Variants in PALM2AKAP2 observed in about 807,000 individuals in gnomAD.
PALM2AKAP2 encodes PALM2-AKAP2 fusion protein.
PALM2AKAP2 carries 37 observed loss-of-function variants against 71.5 expected under a neutral mutation model. The observed-to-expected ratio is 0.52, with a 90% CI of 0.40 to 0.68. PALM2AKAP2 has a LOEUF of 0.68. Among genes scored for constraint, PALM2AKAP2 ranks in the 30% least tolerant of loss-of-function variants. The pLI is 0.00. For missense variants in PALM2AKAP2, 1,224 were observed against 1,191.8 expected (o/e 1.03, Z -0.40); for synonymous variants, 468 against 478.8 (o/e 0.98, Z 0.29).
intron 1 of PALM2AKAP2, among the ~76,000 whole-genome samples, chr9:110,129,385 G>T (rs920992924): frequency 3.9e-5 from 6 of 152,144 alleles, no homozygotes; most frequent in Non-Finnish European, 8.8e-5. Flanking sequence ...CATTTTAAAA[G>T]CCTCCTAATA....
At chr9:110,095,999 C>G (rs1693422569) in intron 1 of PALM2AKAP2, among the ~76,000 whole-genome samples, 1 of 152,230 alleles carries the variant, frequency 6.6e-6, no homozygotes, top group Non-Finnish European at 1.5e-5. Flanking sequence ...GTGATATCTA[C>G]AAGCGCATGC....
At chr9:109,739,977 G>C (rs1828694652) in intron 1 of PALM2AKAP2, among the ~76,000 whole-genome samples, 1 of 152,194 alleles carries the variant, frequency 6.6e-6, no homozygotes, top group African/African-American at 2.4e-5. Flanking sequence ...ATATCATAGA[G>C]TTCTTTGAAG....
intron 3 of PALM2AKAP2, among the ~76,000 whole-genome samples, chr9:109,901,255 T>C (rs1830324986): frequency 6.6e-6 from 1 of 152,234 alleles, no homozygotes; most frequent in African/African-American, 2.4e-5. Context: ...TTGTTACAGA[T>C]ACTCTATGCA....
chr9:109,708,409 C>G (rs990775047), intron 1 of PALM2AKAP2, among the ~76,000 whole-genome samples: 58 of 152,132 alleles, frequency 3.8e-4, no homozygotes, highest in Admixed American at 3.9e-4. Context: ...ATCATAAACC[C>G]CAAATTCTAT....
intron 1 of PALM2AKAP2, among the ~76,000 whole-genome samples, chr9:110,057,034 C>T (rs978266147): frequency 6.6e-6 from 1 of 152,066 alleles, no homozygotes; most frequent in Admixed American, 6.6e-5. Context: ...CCTGTAATTC[C>T]CAGGGACGCC....
intron 1 of PALM2AKAP2, among the ~76,000 whole-genome samples, chr9:109,682,319 A>G (rs1299757907): frequency 6.6e-6 from 1 of 152,234 alleles, no homozygotes. Context: ...TTTCTGGATC[A>G]CTTTGCTTCA....
intron 1 of PALM2AKAP2, among the ~76,000 whole-genome samples, chr9:109,721,629 T>C (rs1828406066): frequency 6.6e-6 from 1 of 152,240 alleles, no homozygotes; most frequent in Non-Finnish European, 1.5e-5. Flanking sequence ...TCTGTTTCTA[T>C]CAATATCTAT....
At chr9:109,979,740 TGTG>T (rs984940799) in intron 6 of PALM2AKAP2, among the ~76,000 whole-genome samples, 4 of 152,184 alleles carry the variant, frequency 2.6e-5, no homozygotes, top group African/African-American at 9.7e-5. Context: ...GGGACAATAT[TGTG>T]GGGGCTTCTG....
chr9:109,809,336 C>A (rs1190011830), intron 1 of PALM2AKAP2, among the ~76,000 whole-genome samples: 4 of 152,198 alleles, frequency 2.6e-5, no homozygotes, highest in Non-Finnish European at 5.9e-5. Flanking sequence ...CCACCTCTTG[C>A]ATCAGCGTGA....
At chr9:109,652,529 A>G (rs954373816) in intron 1 of PALM2AKAP2, among the ~76,000 whole-genome samples, 8 of 152,216 alleles carry the variant, frequency 5.3e-5, no homozygotes, top group African/African-American at 1.9e-4. Flanking sequence ...TGTTTTCCTT[A>G]TAAATTACCT....
At chr9:109,678,021 T>C (rs185831081) in intron 1 of PALM2AKAP2, among the ~76,000 whole-genome samples, 4 of 152,316 alleles carry the variant, frequency 2.6e-5, no homozygotes. Context: ...CTAAGCTTGT[T>C]AGTGGCCTGA....
Position 110,123,981 on chromosome 9 carries a change from G to T in PALM2AKAP2, c.157-12146G>T, listed in dbSNP as rs568632142. 6.3e-4 allele frequency among the ~76,000 whole-genome samples: 96 copies of T among 152,322 alleles called. 2 individuals are homozygous for T. The South Asian group carries it at 0.019, about 31-fold the overall frequency. On this transcript the variant is annotated intron_variant, in intron 1 of 3. Transcript: ENST00000374525. The stretch of plus-strand genomic sequence containing the variant: ...CAGAACATTCCAATTATTCCACAGG[G>T]CAGCATAAATTCGGAGTTCCCTTGG...
intron 1 of PALM2AKAP2, among the ~76,000 whole-genome samples, chr9:109,725,444 A>T (rs945804282): frequency 9.9e-5 from 15 of 152,218 alleles, no homozygotes; most frequent in African/African-American, 3.6e-4. Context: ...CTGCAAATAT[A>T]AATCAAAATG....
At chr9:109,789,735 C>T (rs1298782723) in intron 1 of PALM2AKAP2, among the ~76,000 whole-genome samples, 6 of 152,148 alleles carry the variant, frequency 3.9e-5, no homozygotes, top group Admixed American at 3.9e-4. Flanking sequence ...GAGAAGACCA[C>T]ACAGCTGAGA....
At position 109,908,808 on chromosome 9, in the gene PALM2AKAP2, G is replaced by GCACA. The variant is rs59715039; in HGVS notation, c.258-14900_258-14897dup. Among the ~76,000 whole-genome samples the GCACA allele has an allele frequency of 1.7e-3, 250 of 150,224 alleles. 1 individual carries two copies. Among genetic ancestry groups the GCACA allele is most frequent in the East Asian group, 4.2e-3 (21 of 5,046 alleles). ...TGGCTGAGGCTGTATGGATGCGTGT[G>GCACA]CACACACACACACACACACACACAC... On this transcript the variant is annotated intron_variant, in intron 3 of 9. Coordinates refer to the PALM2AKAP2 transcript ENST00000302798.
At chr9:109,906,990 C>A (rs375837463) in intron 3 of PALM2AKAP2, among the ~76,000 whole-genome samples, 17 of 152,180 alleles carry the variant, frequency 1.1e-4, no homozygotes, top group African/African-American at 3.9e-4. Flanking sequence ...CTCACTTGAG[C>A]CTGCCTTGCA....
chr9:110,025,722 TA>T (rs1304793555), intron 7 of PALM2AKAP2, among the ~76,000 whole-genome samples: 2 of 152,256 alleles, frequency 1.3e-5, no homozygotes, highest in Non-Finnish European at 1.5e-5. Flanking sequence ...CTTTTGATTA[TA>T]ACCATCCTAG....
At chr9:109,955,134 GC>G (rs1374441418) in intron 6 of PALM2AKAP2, among the ~76,000 whole-genome samples, 1 of 152,140 alleles carries the variant, frequency 6.6e-6, no homozygotes, top group African/African-American at 2.4e-5. Flanking sequence ...TCATTTTATG[GC>G]TGGGTCAAAT....
chr9:109,822,040 C>A (rs1297820967), intron 1 of PALM2AKAP2, among the ~76,000 whole-genome samples: 1 of 152,198 alleles, frequency 6.6e-6, no homozygotes, highest in African/African-American at 2.4e-5. Context: ...TAATACCAGA[C>A]TTATCATTGC....
Sources: allele counts gnomAD v4.1 joint callset (sites outside exome capture counted in the v4.1 genomes callset), GRCh38; gene constraint gnomAD v4.1.1; transcripts MANE v1.5; gene names NCBI Gene and HGNC (gene_info 2026-07-23, HGNC 2026-07-21).